The following TFCP2L1 variants were observed in gnomAD, a reference collection of about 807,000 sequenced individuals.
TFCP2L1 encodes the protein transcription factor CP2-like protein 1.
A neutral mutation model predicts 72.2 loss-of-function variants in TFCP2L1; 12 were observed. That is an observed-to-expected ratio of 0.17 (90% CI 0.11 to 0.27). TFCP2L1 has a LOEUF of 0.27. Ranked by LOEUF, TFCP2L1 falls within the 10% of genes least tolerant of loss-of-function variation. The pLI, the probability that TFCP2L1 is intolerant of heterozygous loss-of-function variation, is 1.00. For missense variants in TFCP2L1, 488 were observed against 624.6 expected (o/e 0.78, Z 2.33); for synonymous variants, 260 against 251.0 (o/e 1.04, Z -0.34).
At chr2:121,230,423 C>T (rs1461068538) in intron 13 of TFCP2L1, among the ~76,000 whole-genome samples, 1 of 152,062 alleles carries the variant, frequency 6.6e-6, no homozygotes, top group Non-Finnish European at 1.5e-5. Flanking sequence ...CCGCCCACCT[C>T]GGCCTCCCAA....
chr2:121,281,703 T>C (rs1441908199), intron 1 of TFCP2L1, among the ~76,000 whole-genome samples: 4 of 152,096 alleles, frequency 2.6e-5, no homozygotes, highest in Admixed American at 2.6e-4. Context: ...AACAATTCCA[T>C]TTACCGGCCA....
At position 121,224,129 on chromosome 2, in the gene TFCP2L1, G is replaced by A. The variant is rs2104651511; in HGVS notation, c.*212C>T. The A allele has an allele frequency of 1.7e-6, 1 of 596,762 alleles. No homozygotes were observed. Among genetic ancestry groups the A allele is most frequent in the Non-Finnish European group, 3.0e-6 (1 of 335,752 alleles). 37.0% of individuals were successfully genotyped at this position (596,762 alleles called of 1,614,324 possible). A position where few individuals can be genotyped will look rare whatever the true frequency, so the allele number is the denominator to read the frequency against. ...ACCATTCAAAATCTGGAGGCCAAGA[G>A]GAAGGGAGAAAGGAGCCACTGGCTT... is the stretch of plus-strand genomic sequence containing the variant. On this transcript the variant is annotated 3_prime_UTR_variant, in exon 15 of 15. Transcript: ENST00000263707.
intron 2 of TFCP2L1, among the ~76,000 whole-genome samples, chr2:121,266,997 C>T (rs1311448771): frequency 6.6e-6 from 1 of 152,046 alleles, no homozygotes; most frequent in Non-Finnish European, 1.5e-5. Context: ...ACGGCAATCT[C>T]TGCCTCCCAG....
At chr2:121,265,040 CA>C (rs1387264201) in intron 2 of TFCP2L1, among the ~76,000 whole-genome samples, 43 of 152,324 alleles carry the variant, frequency 2.8e-4, no homozygotes, top group African/African-American at 9.9e-4. Flanking sequence ...CTCACAACAG[CA>C]TTATTCACAA....
chr2:121,266,454 G>C (rs1230239803), intron 2 of TFCP2L1, among the ~76,000 whole-genome samples: 1 of 152,168 alleles, frequency 6.6e-6, no homozygotes, highest in Non-Finnish European at 1.5e-5. Flanking sequence ...AGAGTGTAAA[G>C]TTTATTAAAC....
intron 11 of TFCP2L1, 197 bp from the exon 12 acceptor site, chr2:121,234,391 C>T (rs11677172): frequency 0.11 from 65,566 of 571,690 alleles, 4,306 homozygotes; most frequent in Non-Finnish European, 0.14. Flanking sequence ...CTGCCCCAGA[C>T]CATGAAGCTC....
In TFCP2L1 at chr2:121,234,189, A is replaced by G; in HGVS notation, c.1100T>C (p.Val367Ala). 4.3e-6 allele frequency: 7 copies of G among 1,614,100 alleles called. No homozygotes were observed. The highest frequency in any genetic ancestry group is 5.9e-6 in the Non-Finnish European group (7 of 1,179,970). ...GACATAAATGGTCATCTTTGGCCTC[A>G]CATTCCTGGCAGGAGAAGAGAAAAT... ...RLFNAIKGRN[V>A]RPKMTIYVCQ... Residue 367 changes from valine to alanine, a missense_variant, in exon 12 of 15, where the codon GTG becomes GCG. Around this residue, in one of 3 missense-constraint regions of TFCP2L1, gnomAD observed 286 missense variants for 329.0 expected, o/e 0.87. Coordinates refer to ENST00000263707, the MANE Select transcript of TFCP2L1 (RefSeq NM_014553.3).
intron 7 of TFCP2L1, among the ~76,000 whole-genome samples, chr2:121,241,286 G>A (rs1686361900): frequency 6.6e-6 from 1 of 152,190 alleles, no homozygotes. Context: ...TTGAGGTCAG[G>A]AGTTCAAGAC....
At chr2:121,244,372 G>C (rs994843809) in intron 6 of TFCP2L1, among the ~76,000 whole-genome samples, 9 of 152,236 alleles carry the variant, frequency 5.9e-5, no homozygotes, top group Admixed American at 5.9e-4. Context: ...AGGCAGCTTG[G>C]CTCGGCTCAG....
Position 121,242,083 on chromosome 2 carries a change from C to CAAAA in TFCP2L1, c.768+272_768+275dup, listed in dbSNP as rs541937558. On this transcript the variant is annotated intron_variant, in intron 7 of 14. Transcript: ENST00000263707. The stretch of plus-strand genomic sequence containing the variant: ...AAACCATGTGAATACATTACCTACT[C>CAAAA]AAAAAAAAAAAAAAAAAAAAAAAAA... Among the ~76,000 whole-genome samples the CAAAA allele has an allele frequency of 3.2e-3, 209 of 65,442 alleles. 1 individual carries two copies. The highest frequency in any genetic ancestry group is 0.01 in the African/African-American group (197 of 19,266). The allele number at this position is 65,442 out of a possible 152,430, so 42.9% of individuals were successfully genotyped here. A position where few individuals can be genotyped will look rare whatever the true frequency, so the allele number is the denominator to read the frequency against.
chr2:121,241,714 A>C (rs1316272386), intron 7 of TFCP2L1, among the ~76,000 whole-genome samples: 1 of 152,164 alleles, frequency 6.6e-6, no homozygotes, highest in Admixed American at 6.5e-5. Flanking sequence ...TCACATGCAC[A>C]GTTATTCACT....
chr2:121,235,979 A>G (rs1686241195), intron 10 of TFCP2L1, among the ~76,000 whole-genome samples: 1 of 152,026 alleles, frequency 6.6e-6, no homozygotes, highest in Non-Finnish European at 1.5e-5. Context: ...CACGTTTTGC[A>G]TGTTCTCTGA....
chr2:121,260,432 C>G (rs1686808415), intron 2 of TFCP2L1, among the ~76,000 whole-genome samples: 1 of 152,164 alleles, frequency 6.6e-6, no homozygotes, highest in Admixed American at 6.6e-5. Context: ...CCCGCCCACA[C>G]GTATTAATAG....
At chr2:121,238,599 C>A (rs545098960) in intron 8 of TFCP2L1, among the ~76,000 whole-genome samples, 1 of 152,104 alleles carries the variant, frequency 6.6e-6, no homozygotes, top group Non-Finnish European at 1.5e-5. Flanking sequence ...ATCCCCAGAC[C>A]GGTCATCAGT....
intron 2 of TFCP2L1, among the ~76,000 whole-genome samples, chr2:121,274,815 CAT>C (rs1687113361): frequency 6.6e-6 from 1 of 151,746 alleles, no homozygotes; most frequent in Non-Finnish European, 1.5e-5. Context: ...TGTGGTAGCA[CAT>C]GTTTATCCCA....
At chr2:121,231,518 G>A (rs575592072) in intron 13 of TFCP2L1, among the ~76,000 whole-genome samples, 1 of 152,320 alleles carries the variant, frequency 6.6e-6, no homozygotes, top group South Asian at 2.1e-4. Context: ...CTGGGGGAAC[G>A]CCCCTCTCCT....
chr2:121,279,942 G>C (rs373988668), intron 2 of TFCP2L1, among the ~76,000 whole-genome samples: 44 of 152,234 alleles, frequency 2.9e-4, no homozygotes, highest in African/African-American at 9.9e-4. Context: ...AAAAGATAAA[G>C]CAGAAGGTGA....
At chr2:121,278,113 T>C (rs1687183059) in intron 2 of TFCP2L1, among the ~76,000 whole-genome samples, 1 of 148,020 alleles carries the variant, frequency 6.8e-6, no homozygotes, top group African/African-American at 2.5e-5. Context: ...CTCGGCTCAC[T>C]GCAAGCTCCG....
chr2:121,252,980 C>T (rs1485968866), intron 2 of TFCP2L1, among the ~76,000 whole-genome samples: 2 of 152,194 alleles, frequency 1.3e-5, no homozygotes, highest in Admixed American at 6.5e-5. Flanking sequence ...GGCAACACAG[C>T]GAGCTGCTGT....
Sources: allele counts gnomAD v4.1 joint callset (sites outside exome capture counted in the v4.1 genomes callset), GRCh38; gene constraint gnomAD v4.1.1; regional missense constraint gnomAD v4.1.1; transcripts MANE v1.5; gene names NCBI Gene and HGNC (gene_info 2026-07-23, HGNC 2026-07-21).